FMNL2: variants seen among roughly 807,000 people sequenced by gnomAD.
The protein encoded by FMNL2 is formin-like protein 2.
Under a neutral mutation model 130.2 loss-of-function variants are expected in FMNL2, and 51 were observed. The observed-to-expected ratio is 0.39, with a 90% CI of 0.31 to 0.49. The LOEUF is 0.49. Ranked by LOEUF, FMNL2 falls within the 20% of genes least tolerant of loss-of-function variation. The pLI, the probability that FMNL2 is intolerant of heterozygous loss-of-function variation, is 0.85. For synonymous variants in FMNL2, 465 were observed against 467.1 expected, an observed-to-expected ratio of 1.00 and a Z score of 0.06; for missense variants, 977 against 1,316.2, an observed-to-expected ratio of 0.74 and a Z score of 3.99.
intron 22 of FMNL2, among the ~76,000 whole-genome samples, chr2:152,636,935 A>G (rs890263698): frequency 2.0e-5 from 3 of 152,018 alleles, no homozygotes; most frequent in African/African-American, 7.3e-5. Flanking sequence ...GTTTCTGTAG[A>G]TCTTGTCCTT....
intron 1 of FMNL2, among the ~76,000 whole-genome samples, chr2:152,508,237 G>A (rs1403544048): frequency 7.9e-5 from 12 of 152,180 alleles, no homozygotes; most frequent in Non-Finnish European, 1.5e-4. Flanking sequence ...GAGATAGGAT[G>A]GTGTGTGGAG....
intron 1 of FMNL2, among the ~76,000 whole-genome samples, chr2:152,429,834 T>C (rs999727175): frequency 3.9e-5 from 6 of 152,240 alleles, no homozygotes; most frequent in Non-Finnish European, 8.8e-5. Flanking sequence ...TGCTGTAGTT[T>C]TCTTCTCTGT....
intron 1 of FMNL2, among the ~76,000 whole-genome samples, chr2:152,463,718 G>C (rs1689372272): frequency 6.6e-6 from 1 of 152,218 alleles, no homozygotes; most frequent in Non-Finnish European, 1.5e-5. Flanking sequence ...GTAGCTTTCA[G>C]ACCATCCCCT....
chr2:152,454,335 T>G lies in FMNL2; in HGVS notation c.118-67608T>G, dbSNP rs1266185941. Among the ~76,000 whole-genome samples the G allele has an allele frequency of 3.9e-5, 6 of 152,276 alleles. No individual in the cohort carries two copies. In the East Asian group the frequency reaches 7.7e-4, roughly 20 times the overall value. On this transcript the variant is annotated intron_variant, in intron 1 of 25. Transcript: ENST00000288670. Reference sequence around the variant, plus strand: ...GTTGGGAAAAGAATATGAAATAAAGTGGCAAATATGGCTCATTTGATTATT... The same window carrying G: ...GTTGGGAAAAGAATATGAAATAAAGGGGCAAATATGGCTCATTTGATTATT...
At chr2:152,471,977 C>T (rs1689883623) in intron 1 of FMNL2, among the ~76,000 whole-genome samples, 1 of 152,166 alleles carries the variant, frequency 6.6e-6, no homozygotes, top group Admixed American at 6.5e-5. Context: ...CAGCAATAAC[C>T]CAACACTAAC....
intron 1 of FMNL2, among the ~76,000 whole-genome samples, chr2:152,385,627 G>T (rs1160940544): frequency 1.3e-5 from 2 of 152,180 alleles, no homozygotes; most frequent in African/African-American, 4.8e-5. Context: ...GTAAGATAAG[G>T]CAAAAGTATA....
Position 152,607,373 on chromosome 2 carries a change from T to G in FMNL2, c.911T>G (p.Met304Arg), listed in dbSNP as rs762989414. The change falls in exon 10 of 26, where the codon ATG (methionine) becomes AGG (arginine). Residue 304 changes from methionine to arginine, a missense_variant. Met to Arg is a moderately conservative substitution (Grantham distance 91, BLOSUM62 -1). Around this residue, in one of 4 missense-constraint regions of FMNL2, gnomAD observed 689 missense variants for 995.9 expected, o/e 0.69. Coordinates refer to ENST00000288670, the MANE Select transcript of FMNL2 (RefSeq NM_052905.4). ...GAAAAACAGCGCTTTGAGAAGTTGA[T>G]GGAACATTTCAGGAATGAAGACAAT... ...CGEKQRFEKLMEHFRNEDNNI... is the reference protein window; with the variant it reads ...CGEKQRFEKLREHFRNEDNNI... 6.2e-7 allele frequency: 1 copy of G among 1,613,604 alleles called. No homozygotes were observed. Among genetic ancestry groups the G allele is most frequent in the Non-Finnish European group, 8.5e-7 (1 of 1,179,718 alleles).
At chr2:152,428,800 G>A (rs1687323826) in intron 1 of FMNL2, among the ~76,000 whole-genome samples, 1 of 152,144 alleles carries the variant, frequency 6.6e-6, no homozygotes. Context: ...GAGATAGTTC[G>A]AGTGGTGGGG....
At chr2:152,389,055 C>CT (rs144181669) in intron 1 of FMNL2, among the ~76,000 whole-genome samples, 75,174 of 151,654 alleles carry the variant, frequency 0.5, 20,500 homozygotes, top group South Asian at 0.67. Flanking sequence ...AATCTAAATG[C>CT]TGTTTTTCAA....
intron 9 of FMNL2, among the ~76,000 whole-genome samples, chr2:152,601,303 CTTTTTTT>C (rs10567754): frequency 1.5e-5 from 2 of 134,740 alleles, no homozygotes; most frequent in South Asian, 4.6e-4. Flanking sequence ...TTTCTTTTTT[CTTTTTTT>C]TTTTTTTTGA....
chr2:152,644,693 G>A (rs1004743732), intron 25 of FMNL2, among the ~76,000 whole-genome samples: 1 of 152,132 alleles, frequency 6.6e-6, no homozygotes, highest in Non-Finnish European at 1.5e-5. Flanking sequence ...CATCTTCACC[G>A]GTAGCTCTGT....
intron 1 of FMNL2, among the ~76,000 whole-genome samples, chr2:152,497,833 T>C (rs1195427258): frequency 6.6e-6 from 1 of 152,162 alleles, no homozygotes; most frequent in Non-Finnish European, 1.5e-5. Flanking sequence ...AGGCTGAAAT[T>C]CAGGTGTTGG....
At chr2:152,362,523 A>G (rs1683239979) in intron 1 of FMNL2, among the ~76,000 whole-genome samples, 1 of 152,072 alleles carries the variant, frequency 6.6e-6, no homozygotes, top group Non-Finnish European at 1.5e-5. Context: ...TAGGACTGAA[A>G]AGGACTCTAG....
At chr2:152,378,470 A>G (rs1415880799) in intron 1 of FMNL2, among the ~76,000 whole-genome samples, 1 of 152,228 alleles carries the variant, frequency 6.6e-6, no homozygotes, top group Non-Finnish European at 1.5e-5. Flanking sequence ...TCATCTGGAT[A>G]CAAATGACTA....
chr2:152,427,411 G>A (rs1054390358), intron 1 of FMNL2, among the ~76,000 whole-genome samples: 4 of 152,132 alleles, frequency 2.6e-5, no homozygotes, highest in Admixed American at 2.0e-4. Flanking sequence ...GCCAGGCATA[G>A]TGTTGTGCTC....
At position 152,418,229 on chromosome 2, in the gene FMNL2, C is replaced by T. The variant is rs546932644; in HGVS notation, c.117+82509C>T. ...ATTACCCCTTAGTCCATTGCATTTA[C>T]ATGGTGATTTTCTTTTTCATTTCAT... is the stretch of plus-strand genomic sequence containing the variant. On this transcript the variant is annotated intron_variant, in intron 1 of 25. Coordinates refer to ENST00000288670, the MANE Select transcript of FMNL2 (RefSeq NM_052905.4). 7.2e-5 allele frequency among the ~76,000 whole-genome samples: 11 copies of T among 152,266 alleles called. 1 individual carries two copies. The South Asian group carries it at 2.1e-3, about 29-fold the overall frequency.
chr2:152,537,208 A>C (rs1323196937), intron 2 of FMNL2, among the ~76,000 whole-genome samples: 1 of 152,184 alleles, frequency 6.6e-6, no homozygotes, highest in East Asian at 1.9e-4. Flanking sequence ...TTACCTAATT[A>C]ATTTACTACA....
chr2:152,491,818 G>A (rs539240536), intron 1 of FMNL2, among the ~76,000 whole-genome samples: 15 of 152,190 alleles, frequency 9.9e-5, no homozygotes. Context: ...TGGCGTGGTG[G>A]CGTGCACCTG....
At chr2:152,434,634 C>T (rs1028141512) in intron 1 of FMNL2, among the ~76,000 whole-genome samples, 1 of 151,882 alleles carries the variant, frequency 6.6e-6, no homozygotes, top group African/African-American at 2.4e-5. Context: ...GCAGAAGGGC[C>T]CCTGCAGAAC....
Sources: gnomAD v4.1 joint callset for allele counts (sites outside exome capture counted in the v4.1 genomes callset) on GRCh38, gnomAD v4.1.1 for gene constraint, gnomAD v4.1.1 regional missense constraint, MANE v1.5 for transcripts, NCBI Gene and HGNC (gene_info 2026-07-23, HGNC 2026-07-21) for gene names.